RALGPS1: variants seen among roughly 807,000 people sequenced by gnomAD.
RALGPS1 encodes the protein ras-specific guanine nucleotide-releasing factor RalGPS1.
A neutral mutation model predicts 78.8 loss-of-function variants in RALGPS1; 19 were observed. The ratio of observed to expected loss-of-function variants is 0.24; its 90% CI spans 0.17 to 0.35. The LOEUF (loss-of-function observed/expected upper bound fraction) is 0.35. Among genes scored for constraint, RALGPS1 ranks in the 10% least tolerant of loss-of-function variants. The probability of loss-of-function intolerance (pLI) is 1.00; values close to 1 mark genes in which losing one functional copy is unlikely to be tolerated. For synonymous variants in RALGPS1, 228 were observed against 256.3 expected, an observed-to-expected ratio of 0.89 and a Z score of 1.06; for missense variants, 454 against 688.3, an observed-to-expected ratio of 0.66 and a Z score of 3.81.
chr9:126,994,698 C>T lies in RALGPS1; in HGVS notation c.216+16953C>T, dbSNP rs1373246377. ...CAGAGAATGCCACAAAGATACTCCTCGAGAAGAGCAACTCCAAGACACATA... is the reference window on the plus strand; with the variant it reads ...CAGAGAATGCCACAAAGATACTCCTTGAGAAGAGCAACTCCAAGACACATA... On this transcript the variant is annotated intron_variant, in intron 4 of 18. Coordinates refer to ENST00000259351, the MANE Select transcript of RALGPS1 (RefSeq NM_014636.3). 1.4e-4 allele frequency among the ~76,000 whole-genome samples: 21 copies of T among 152,062 alleles called. 1 individual carries two copies. Among genetic ancestry groups the T allele is most frequent in the Admixed American group, 8.5e-4 (13 of 15,260 alleles).
chr9:127,069,629 A>C, intron 8 of RALGPS1: 1 of 340,430 alleles, frequency 2.9e-6, no homozygotes. Context: ...GGTCACAATG[A>C]GAGTGATAAG....
chr9:127,051,428 C>G (rs182893190), intron 6 of RALGPS1, among the ~76,000 whole-genome samples: 1 of 152,234 alleles, frequency 6.6e-6, no homozygotes, highest in Non-Finnish European at 1.5e-5. Flanking sequence ...GTTTTCCCAT[C>G]TATAAAATGA....
At chr9:127,049,642 C>T (rs1278852765) in intron 5 of RALGPS1, among the ~76,000 whole-genome samples, 1 of 152,152 alleles carries the variant, frequency 6.6e-6, no homozygotes. Context: ...CCCTTTGGCT[C>T]TTTGTCCATC....
intron 11 of RALGPS1, among the ~76,000 whole-genome samples, chr9:127,186,740 G>C (rs935426886): frequency 6.6e-6 from 1 of 152,196 alleles, no homozygotes; most frequent in Admixed American, 6.5e-5. Context: ...TTGAAACGGT[G>C]CCCAGGGAGG....
At chr9:127,148,607 C>T (rs2058237525) in intron 8 of RALGPS1, among the ~76,000 whole-genome samples, 1 of 152,176 alleles carries the variant, frequency 6.6e-6, no homozygotes, top group African/African-American at 2.4e-5. Flanking sequence ...AGGTGAGGCT[C>T]AGAAGGGTGA....
intron 3 of RALGPS1, among the ~76,000 whole-genome samples, chr9:126,968,770 C>T (rs534138103): frequency 2.6e-5 from 4 of 152,270 alleles, no homozygotes; most frequent in South Asian, 2.1e-4. Flanking sequence ...AGTAATCGTC[C>T]GGGCGCGGTG....
intron 4 of RALGPS1, among the ~76,000 whole-genome samples, chr9:126,989,183 A>T (rs1205914163): frequency 6.6e-6 from 1 of 152,116 alleles, no homozygotes; most frequent in Admixed American, 6.5e-5. Flanking sequence ...GCCAGGAAAT[A>T]ATGGAGGGAG....
At chr9:127,003,848 T>C (rs2043581511) in intron 4 of RALGPS1, among the ~76,000 whole-genome samples, 1 of 152,228 alleles carries the variant, frequency 6.6e-6, no homozygotes, top group South Asian at 2.1e-4. Flanking sequence ...TCATTTCACA[T>C]TCCTGTTGGC....
At chr9:127,027,206 T>TC (rs1191226619) in intron 4 of RALGPS1, among the ~76,000 whole-genome samples, 1 of 152,222 alleles carries the variant, frequency 6.6e-6, no homozygotes, top group Non-Finnish European at 1.5e-5. Flanking sequence ...TGCCCTCCAC[T>TC]CCATTCTCTT....
At chr9:126,984,457 A>G (rs1243941153) in intron 4 of RALGPS1, among the ~76,000 whole-genome samples, 2 of 152,212 alleles carry the variant, frequency 1.3e-5, no homozygotes, top group Non-Finnish European at 2.9e-5. Flanking sequence ...GGCTACTTGT[A>G]CATACTTAAT....
intron 1 of RALGPS1, among the ~76,000 whole-genome samples, chr9:126,934,344 T>C (rs2036069836): frequency 6.6e-6 from 1 of 152,216 alleles, no homozygotes; most frequent in South Asian, 2.1e-4. Flanking sequence ...TGGGAAGGTA[T>C]GTCCTATTGA....
At chr9:127,054,869 G>T (rs952059523) in intron 7 of RALGPS1, among the ~76,000 whole-genome samples, 3 of 152,072 alleles carry the variant, frequency 2.0e-5, no homozygotes, top group African/African-American at 2.4e-5. Context: ...TCACAGCTAC[G>T]CAGGAGACTG....
At chr9:126,943,096 T>C (rs1157443657) in intron 1 of RALGPS1, among the ~76,000 whole-genome samples, 1 of 152,172 alleles carries the variant, frequency 6.6e-6, no homozygotes, top group South Asian at 2.1e-4. Context: ...TTATAGTTCA[T>C]TGATGTCATC....
chr9:127,125,754 A>T (rs1037856758), intron 8 of RALGPS1, among the ~76,000 whole-genome samples: 1 of 152,140 alleles, frequency 6.6e-6, no homozygotes, highest in Non-Finnish European at 1.5e-5. Context: ...CATGTGACTA[A>T]AGCATTTGAG....
At chr9:127,206,937 C>T (rs1013875758) in intron 14 of RALGPS1, among the ~76,000 whole-genome samples, 3 of 152,128 alleles carry the variant, frequency 2.0e-5, no homozygotes, top group African/African-American at 7.2e-5. Context: ...TTCCCAGTGT[C>T]GTGATCTTGG....
At chr9:127,118,682 C>T (rs2055715578) in intron 8 of RALGPS1, among the ~76,000 whole-genome samples, 1 of 152,214 alleles carries the variant, frequency 6.6e-6, no homozygotes, top group African/African-American at 2.4e-5. Flanking sequence ...ACAGCTTTCA[C>T]ACAGTTGTGT....
intron 4 of RALGPS1, among the ~76,000 whole-genome samples, chr9:126,987,323 C>T (rs2041894376): frequency 6.6e-6 from 1 of 152,116 alleles, no homozygotes; most frequent in African/African-American, 2.4e-5. Flanking sequence ...AAGAGATCAT[C>T]TCTTATTGGT....
chr9:126,958,927 T>G (rs1008516584), intron 1 of RALGPS1, among the ~76,000 whole-genome samples: 1 of 152,198 alleles, frequency 6.6e-6, no homozygotes, highest in Admixed American at 6.5e-5. Flanking sequence ...CCAATACTTG[T>G]TATGGCCTGT....
intron 11 of RALGPS1, among the ~76,000 whole-genome samples, chr9:127,189,405 T>C (rs1235577868): frequency 2.6e-5 from 4 of 152,080 alleles, no homozygotes; most frequent in Admixed American, 2.6e-4. Context: ...CCTGAGAAGG[T>C]GCTGGGCAGG....
Sources: allele counts gnomAD v4.1 joint callset (sites outside exome capture counted in the v4.1 genomes callset), GRCh38; gene constraint gnomAD v4.1.1; transcripts MANE v1.5; gene names NCBI Gene and HGNC (gene_info 2026-07-23, HGNC 2026-07-21).